The following BBS4 variants were observed in gnomAD, a reference collection of about 807,000 sequenced individuals.
BBS4 encodes the protein BBSome complex member BBS4.
In BBS4, 58 loss-of-function variants were observed where a neutral mutation model predicts 71.4. The ratio of observed to expected loss-of-function variants is 0.81; its 90% CI spans 0.66 to 1.01. The LOEUF is 1.01. Ranked by LOEUF, BBS4 falls within the 50% of genes least tolerant of loss-of-function variation. The pLI is 0.00. For synonymous variants in BBS4, 228 were observed against 216.8 expected, an observed-to-expected ratio of 1.05 and a Z score of -0.46; for missense variants, 660 against 607.9, an observed-to-expected ratio of 1.09 and a Z score of -0.90.
intron 3 of BBS4, among the ~76,000 whole-genome samples, chr15:72,711,724 C>T (rs2065375424): frequency 1.3e-5 from 2 of 152,254 alleles, no homozygotes; most frequent in South Asian, 4.1e-4. Flanking sequence ...CTGTAGTTTG[C>T]AAATCCCTGT....
At position 72,722,786 on chromosome 15, in the gene BBS4, G is replaced by A. The variant is rs765311209; in HGVS notation, c.406-8G>A. ...CTGAGTTGTTTTCCTTCTTTTTTAT[G>A]AGCCTAGGAGATCAGCCATAACCTA... On this transcript the variant is annotated splice_polypyrimidine_tract_variant and splice_region_variant and intron_variant, in intron 6 of 15. Transcript: ENST00000268057. The A allele has an allele frequency of 1.3e-5, 21 of 1,612,304 alleles. No individual in the cohort carries two copies. Among genetic ancestry groups the A allele is most frequent in the Non-Finnish European group, 1.8e-5 (21 of 1,178,998 alleles).
At chr15:72,688,046 CAAAAAAAAAAA>C (rs199931617) in intron 1 of BBS4, among the ~76,000 whole-genome samples, 1 of 84,890 alleles carries the variant, frequency 1.2e-5, no homozygotes. Context: ...GACTCCGTCT[CAAAAAAAAAAA>C]AAAAAAAAAA....
At chr15:72,694,721 A>G (rs2065044689) in intron 1 of BBS4, among the ~76,000 whole-genome samples, 1 of 152,214 alleles carries the variant, frequency 6.6e-6, no homozygotes, top group South Asian at 2.1e-4. Context: ...ATGGTTTTCT[A>G]TGAGGTTATA....
intron 2 of BBS4, among the ~76,000 whole-genome samples, 197 bp from the exon 3 acceptor site, chr15:72,709,503 C>T (rs1375553446): frequency 6.6e-6 from 1 of 152,136 alleles, no homozygotes; most frequent in African/African-American, 2.4e-5. Flanking sequence ...ATGTATTCAA[C>T]ATGTAGTAGT....
rs993204306 is a variant in BBS4 at position 72,731,363 on chromosome 15, C to T, written c.770C>T (p.Thr257Ile). ...QTHGDFDVALTKYRVVACAVP... is the reference protein window; with the variant it reads ...QTHGDFDVALIKYRVVACAVP... ...CACGGGGACTTTGATGTTGCCCTCA[C>T]CAAATACAGAGTTGTGGCTTGTGCT... The change falls in exon 11 of 16, where the codon ACC (threonine) becomes ATC (isoleucine). Residue 257 changes from threonine to isoleucine, a missense_variant. Physicochemically the swap from Thr to Ile is moderately conservative, Grantham distance 89. Transcript: ENST00000268057. The T allele has an allele frequency of 3.7e-6, 6 of 1,613,974 alleles. No individual in the cohort carries two copies. The African/African-American group carries it at 8.0e-5, about 22-fold the overall frequency.
chr15:72,710,278 G>A (rs2065344692), intron 3 of BBS4, among the ~76,000 whole-genome samples: 1 of 127,096 alleles, frequency 7.9e-6, no homozygotes, highest in African/African-American at 3.0e-5. Flanking sequence ...TTGGCTCATT[G>A]CAGCCTTTGT....
intron 10 of BBS4, among the ~76,000 whole-genome samples, chr15:72,731,065 C>CTTTTTTTTTTTTTTTTTT: frequency 1.3e-5 from 1 of 77,610 alleles, no homozygotes; most frequent in Non-Finnish European, 2.4e-5. Context: ...AACATTTTAT[C>CTTTTTTTTTTTTTTTTTT]TTTTTTTTTT....
At position 72,738,296 on chromosome 15, in the gene BBS4, A is replaced by ATC. The variant is rs1567437687; in HGVS notation, c.*709_*710insTC. 2.2e-6 allele frequency: 1 copy of ATC among 453,982 alleles called. No individual in the cohort carries two copies. The highest frequency in any genetic ancestry group is 4.4e-6 in the Non-Finnish European group (1 of 226,796). The allele number at this position is 453,982 out of a possible 1,614,324, so 28.1% of individuals were successfully genotyped here. A position where few individuals can be genotyped will look rare whatever the true frequency, so the allele number is the denominator to read the frequency against. ...CACCAACGATTTTAAAGAAAAAAGG[A>ATC]AGAGTTTCTTAGATGAGTAATTGTT... On this transcript the variant is annotated 3_prime_UTR_variant, in exon 16 of 16. Coordinates refer to ENST00000268057, the MANE Select transcript of BBS4 (RefSeq NM_033028.5).
At chr15:72,724,976 C>T (rs2065641701) in intron 8 of BBS4, among the ~76,000 whole-genome samples, 1 of 150,926 alleles carries the variant, frequency 6.6e-6, no homozygotes, top group South Asian at 2.1e-4. Flanking sequence ...AATGTAACAT[C>T]CACATCCAGG....
At chr15:72,716,894 A>G in intron 6 of BBS4, 44 bp downstream of exon 6, 1 of 1,380,620 alleles carries the variant, frequency 7.2e-7, no homozygotes, top group Non-Finnish European at 1.0e-6. Flanking sequence ...TAAACTTGCT[A>G]ATGGTTCCAT....
At position 72,698,107 on chromosome 15, in the gene BBS4, A is replaced by C. The variant is rs1415411371; in HGVS notation, c.76+2879A>C. The C allele has an allele frequency of 2.0e-5, 9 of 452,058 alleles. No homozygotes were observed. In the East Asian group the frequency reaches 6.3e-4, roughly 31 times the overall value. The allele number at this position is 452,058 out of a possible 1,614,324, so 28.0% of individuals were successfully genotyped here. A position where few individuals can be genotyped will look rare whatever the true frequency, so the allele number is the denominator to read the frequency against. ...GGAGTCTTCATTGAAAACTTTACCC[A>C]TTTTGGGGTGGCCATAGCTGAGGAT... On this transcript the variant is annotated intron_variant, in intron 2 of 15. Coordinates refer to ENST00000268057, the MANE Select transcript of BBS4 (RefSeq NM_033028.5).
chr15:72,715,013 T>C (rs2065443110), intron 4 of BBS4, among the ~76,000 whole-genome samples: 1 of 152,206 alleles, frequency 6.6e-6, no homozygotes, highest in African/African-American at 2.4e-5. Context: ...TGTGATAATT[T>C]GCAAAGGAAC....
chr15:72,706,358 G>C lies in BBS4; in HGVS notation c.77-3342G>C, dbSNP rs1262244281. The stretch of plus-strand genomic sequence containing the variant: ...TCATTGTGTTAGCCAGGATTGTTTC[G>C]ATCTCCTGACCTCATGATCCACCTG... On this transcript the variant is annotated intron_variant, in intron 2 of 15. Coordinates refer to ENST00000268057, the MANE Select transcript of BBS4 (RefSeq NM_033028.5). Among the ~76,000 whole-genome samples the C allele has an allele frequency of 2.0e-5, 3 of 151,980 alleles. No individual in the cohort carries two copies. In the East Asian group the frequency reaches 5.8e-4, roughly 29 times the overall value.
chr15:72,725,789 T>A (rs1595939225), intron 8 of BBS4, among the ~76,000 whole-genome samples: 1 of 33,082 alleles, frequency 3.0e-5, no homozygotes, highest in African/African-American at 1.2e-4. Flanking sequence ...CCCTTCCTCC[T>A]TCCCTCTTCC....
intron 10 of BBS4, 99 bp from the exon 11 acceptor site, chr15:72,731,206 T>C: frequency 6.9e-7 from 1 of 1,445,766 alleles, no homozygotes; most frequent in Non-Finnish European, 9.6e-7. Flanking sequence ...CAGTCCCATC[T>C]ATGCTGATGG....
intron 12 of BBS4, among the ~76,000 whole-genome samples, chr15:72,734,701 C>A (rs2065887345): frequency 6.6e-6 from 1 of 151,872 alleles, no homozygotes; most frequent in African/African-American, 2.4e-5. Context: ...TGTTTTACTG[C>A]TAAATGAAAG....
At chr15:72,711,377 G>A (rs1263333817) in intron 3 of BBS4, among the ~76,000 whole-genome samples, 5 of 150,594 alleles carry the variant, frequency 3.3e-5, no homozygotes, top group African/African-American at 7.3e-5. Context: ...TCAAACTCCC[G>A]ACCTCAGGTG....
At chr15:72,695,013 ATTTG>A (rs2065050544) in intron 1 of BBS4, among the ~76,000 whole-genome samples, 160 bp from the exon 2 acceptor site, 1 of 152,182 alleles carries the variant, frequency 6.6e-6, no homozygotes, top group Non-Finnish European at 1.5e-5. Flanking sequence ...ATGACTTGAC[ATTTG>A]TTTTTTAAAC....
intron 3 of BBS4, among the ~76,000 whole-genome samples, chr15:72,710,480 G>A (rs541246136): frequency 6.6e-6 from 1 of 152,026 alleles, no homozygotes; most frequent in Non-Finnish European, 1.5e-5. Context: ...GATTACAGGC[G>A]TGAGCCACCG....
Sources: gnomAD v4.1 joint callset for allele counts (sites outside exome capture counted in the v4.1 genomes callset) on GRCh38, gnomAD v4.1.1 for gene constraint, MANE v1.5 for transcripts, NCBI Gene and HGNC (gene_info 2026-07-23, HGNC 2026-07-21) for gene names.